ZNF346: variants seen among roughly 807,000 people sequenced by gnomAD.
ZNF346 encodes double-stranded RNA-binding zinc finger protein JAZ.
Under a neutral mutation model 33.7 loss-of-function variants are expected in ZNF346, and 23 were observed. The ratio of observed to expected loss-of-function variants is 0.68; its 90% CI spans 0.49 to 0.97. The LOEUF (loss-of-function observed/expected upper bound fraction) is 0.97. Among genes scored for constraint, ZNF346 ranks in the 50% least tolerant of loss-of-function variants. The probability of loss-of-function intolerance (pLI) is 0.00; values close to 1 mark genes in which losing one functional copy is unlikely to be tolerated. For missense variants in ZNF346, 340 were observed against 371.1 expected (o/e 0.92, Z 0.69); for synonymous variants, 134 against 142.4 (o/e 0.94, Z 0.42).
chr5:177,052,035 A>G (rs1781003898), intron 5 of ZNF346: 1 of 152,108 alleles, frequency 6.6e-6, no homozygotes, highest in African/African-American at 2.4e-5. Flanking sequence ...CATGTGGCGC[A>G]TGTCTGTAGT....
chr5:177,044,548 G>T lies in ZNF346; in HGVS notation c.517+15G>T. 1 of 1,613,116 alleles carries T rather than the reference G, an allele frequency of 6.2e-7. No homozygotes were observed. Among genetic ancestry groups the T allele is most frequent in the South Asian group, 1.1e-5 (1 of 91,046 alleles). Reference sequence around the variant, plus strand: ...TAAGGTGGAAGGTACTGGTTTTCCTGAGTAGTGCTATAGTGGGACCCCTGC... The same window carrying T: ...TAAGGTGGAAGGTACTGGTTTTCCTTAGTAGTGCTATAGTGGGACCCCTGC... On this transcript the variant is annotated intron_variant, in intron 4 of 6. Transcript: ENST00000358149.
intron 1 of ZNF346, among the ~76,000 whole-genome samples, chr5:177,039,666 C>G (rs1371288487): frequency 2.0e-5 from 3 of 151,982 alleles, no homozygotes; most frequent in Non-Finnish European, 4.4e-5. Context: ...TATGTAGAGA[C>G]AGAGTCTCAC....
chr5:177,044,452 CCT>C lies in ZNF346; in HGVS notation c.437_438del (p.Pro146ArgfsTer24). The C allele has an allele frequency of 6.2e-7, 1 of 1,614,098 alleles. No individual in the cohort carries two copies. The highest frequency in any genetic ancestry group is 8.5e-7 in the Non-Finnish European group (1 of 1,180,016). The part of the protein sequence containing the change: ...CPICNMTFSS[P>X]VVAQSHYLGK... Reference sequence around the variant, plus strand: ...CATCTGTAACATGACCTTTTCCTCCCCTGTCGTGGCCCAGTCGCACTACCTGG... The same window carrying C: ...CATCTGTAACATGACCTTTTCCTCCCGTCGTGGCCCAGTCGCACTACCTGG... On this transcript the variant is annotated frameshift_variant, in exon 4 of 7. Transcript: ENST00000358149. LOFTEE classifies it high-confidence loss of function.
At position 177,067,236 on chromosome 5, in the gene ZNF346, C is replaced by G. The variant is rs10063299; in HGVS notation, c.*2637C>G. ...CCAGCCTGGACAACAGAGCAAGACC[C>G]TGTCTCTAAAAATAATAATTTTTAA... On this transcript the variant is annotated 3_prime_UTR_variant, in exon 7 of 7. Coordinates refer to ENST00000358149, the MANE Select transcript of ZNF346 (RefSeq NM_012279.4). 0.13 allele frequency among the ~76,000 whole-genome samples: 19,638 copies of G among 152,072 alleles called. 2,964 individuals carry two copies. Among genetic ancestry groups the G allele is most frequent in the African/African-American group, 0.37 (15,142 of 41,380 alleles).
At chr5:177,050,655 C>T (rs1780728282) in intron 4 of ZNF346, 96 bp from the exon 5 acceptor site, 2 of 1,382,190 alleles carry the variant, frequency 1.4e-6, no homozygotes, top group African/African-American at 1.4e-5. Context: ...AAAAGCCTGA[C>T]ACCTTCTGGG....
intron 4 of ZNF346, among the ~76,000 whole-genome samples, chr5:177,047,883 C>G (rs1368956556): frequency 1.3e-5 from 2 of 152,120 alleles, no homozygotes; most frequent in Non-Finnish European, 2.9e-5. Flanking sequence ...AGGTGATTCA[C>G]CCGCTTCTGC....
intron 5 of ZNF346, among the ~76,000 whole-genome samples, chr5:177,058,393 C>T (rs1034194276): frequency 2.6e-5 from 4 of 151,640 alleles, no homozygotes; most frequent in Non-Finnish European, 5.9e-5. Context: ...ATTGCTTGAA[C>T]CTGGGAGGCG....
chr5:177,026,019 C>T (rs1370884607), intron 1 of ZNF346, among the ~76,000 whole-genome samples: 1 of 149,972 alleles, frequency 6.7e-6, no homozygotes, highest in African/African-American at 2.5e-5. Flanking sequence ...GAGATGCAGT[C>T]TCACCCTGTC....
intron 4 of ZNF346, among the ~76,000 whole-genome samples, chr5:177,048,217 T>G (rs1562002824): frequency 6.6e-6 from 1 of 152,152 alleles, no homozygotes; most frequent in East Asian, 1.9e-4. Context: ...GTTCTAGACT[T>G]ACTTACACTT....
intron 6 of ZNF346, 122 bp downstream of exon 6, chr5:177,062,273 A>T (rs1782647061): frequency 2.7e-6 from 2 of 746,814 alleles, no homozygotes; most frequent in African/African-American, 1.8e-5. Context: ...CAGTGAACAG[A>T]AGATGAATCA....
At chr5:177,080,662 G>T (rs1432120851) in exon 9 of ZNF346, 1 of 152,222 alleles carries the variant, frequency 6.6e-6, no homozygotes, top group East Asian at 1.9e-4. Flanking sequence ...ACAAAAATTA[G>T]CTGGGCGTGG....
chr5:177,038,879 T>C (rs1231417228), intron 1 of ZNF346, among the ~76,000 whole-genome samples: 3,100 of 11,322 alleles, frequency 0.27, 125 homozygotes, highest in African/African-American at 0.3. Flanking sequence ...CTTCTTCTTG[T>C]GTGTGTGTGT....
At position 177,066,797 on chromosome 5, in the gene ZNF346, G is replaced by T. The variant is rs148223960; in HGVS notation, c.*2198G>T. On this transcript the variant is annotated 3_prime_UTR_variant, in exon 7 of 7. Transcript: ENST00000358149. ...TTGAAGGCTGGGCGCCGTGGCTCAC[G>T]CCTGTAATCCAAGCACTTTGAGAGG... Among the ~76,000 whole-genome samples the T allele has an allele frequency of 1.5e-3, 229 of 151,290 alleles. No homozygotes were observed. The highest frequency in any genetic ancestry group is 5.2e-3 in the African/African-American group (216 of 41,258).
intron 8 of ZNF346, among the ~76,000 whole-genome samples, chr5:177,076,695 C>T (rs1783761330): frequency 6.6e-6 from 1 of 152,212 alleles, no homozygotes; most frequent in South Asian, 2.1e-4. Context: ...TTGCAGTGGT[C>T]CCTGTGACTA....
intron 1 of ZNF346, 45 bp from the exon 2 acceptor site, chr5:177,041,081 G>A (rs1207304656): frequency 4.2e-6 from 6 of 1,433,728 alleles, no homozygotes; most frequent in Non-Finnish European, 5.9e-6. Context: ...GTGCTGTTGA[G>A]GTAGTGTTTG....
chr5:177,054,383 A>T (rs1781385757), intron 5 of ZNF346, among the ~76,000 whole-genome samples: 1 of 144,736 alleles, frequency 6.9e-6, no homozygotes, highest in Admixed American at 6.9e-5. Flanking sequence ...GCTATTTTTT[A>T]TTTATTTATT....
intron 6 of ZNF346, 93 bp from the exon 7 acceptor site, chr5:177,064,419 C>A: frequency 9.9e-7 from 1 of 1,014,506 alleles, no homozygotes; most frequent in African/African-American, 1.6e-5. Flanking sequence ...CTGTCTATTA[C>A]TCCAAGGCCC....
At chr5:177,046,667 A>G (rs1310845132) in intron 4 of ZNF346, among the ~76,000 whole-genome samples, 2 of 152,346 alleles carry the variant, frequency 1.3e-5, no homozygotes, top group East Asian at 3.9e-4. Flanking sequence ...TTTACCATTC[A>G]CAGATAAACA....
chr5:177,023,244 G>A, intron 1 of ZNF346: 1 of 1,529,580 alleles, frequency 6.5e-7, no homozygotes, highest in Non-Finnish European at 8.8e-7. Context: ...GGTAAGCCAA[G>A]CCGAGTGCCC....
Sources: gnomAD v4.1 joint callset for allele counts (sites outside exome capture counted in the v4.1 genomes callset) on GRCh38, gnomAD v4.1.1 for gene constraint, MANE v1.5 for transcripts, NCBI Gene and HGNC (gene_info 2026-07-23, HGNC 2026-07-21) for gene names.